Variants in NAALADL2 observed in about 807,000 individuals in gnomAD.
NAALADL2 encodes N-acetylated alpha-linked acidic dipeptidase like 2.
NAALADL2 carries 76 observed loss-of-function variants against 87.2 expected under a neutral mutation model. The observed-to-expected ratio is 0.87, with a 90% confidence interval of 0.72 to 1.05. NAALADL2 has a LOEUF of 1.05. Ranked by LOEUF, NAALADL2 falls within the 50% of genes least tolerant of loss-of-function variation. NAALADL2 has a pLI of 0.00. For missense variants in NAALADL2, 1,089 were observed against 945.8 expected (o/e 1.15, Z -1.99); for synonymous variants, 354 against 331.0 (o/e 1.07, Z -0.75).
intron 1 of NAALADL2, among the ~76,000 whole-genome samples, chr3:174,907,231 G>T (rs1401640753): frequency 6.6e-6 from 1 of 151,852 alleles, no homozygotes; most frequent in African/African-American, 2.4e-5. Flanking sequence ...CTGGAGATCA[G>T]CCCTTTTGTT....
intron 1 of NAALADL2, among the ~76,000 whole-genome samples, chr3:174,983,791 CA>C (rs1271627303): frequency 3.9e-5 from 6 of 152,138 alleles, no homozygotes; most frequent in African/African-American, 1.4e-4. Context: ...TAGACCATAG[CA>C]ATTGACTTGC....
intron 2 of NAALADL2, among the ~76,000 whole-genome samples, chr3:175,148,727 AC>A (rs1166712769): frequency 6.6e-6 from 1 of 151,926 alleles, no homozygotes. Flanking sequence ...TATTTTATTG[AC>A]TCTGTCAAAG....
intron 2 of NAALADL2, among the ~76,000 whole-genome samples, chr3:175,117,816 G>A (rs773641464): frequency 2.6e-5 from 4 of 152,032 alleles, no homozygotes; most frequent in Non-Finnish European, 2.9e-5. Context: ...ATGTGCACAC[G>A]TATGTTTATG....
chr3:174,587,981 A>C (rs1351206374), intron 2 of NAALADL2, among the ~76,000 whole-genome samples: 2 of 152,090 alleles, frequency 1.3e-5, no homozygotes, highest in African/African-American at 2.4e-5. Context: ...AACTTGGTTC[A>C]ATTCCCCCTG....
intron 4 of NAALADL2, among the ~76,000 whole-genome samples, chr3:175,287,864 A>T (rs1373697096): frequency 1.3e-5 from 2 of 152,104 alleles, no homozygotes; most frequent in East Asian, 3.9e-4. Flanking sequence ...TTGCAAGTGA[A>T]TTTTTTCAAA....
chr3:175,137,116 C>G lies in NAALADL2; in HGVS notation c.545+39825C>G, dbSNP rs184684609. Among the ~76,000 whole-genome samples the G allele has an allele frequency of 3.0e-4, 46 of 152,190 alleles. No homozygotes were observed. In the East Asian group the frequency reaches 7.7e-3, roughly 26 times the overall value. ...TAAAATTTTGTAGTCTTAAGCTTGT[C>G]TCTTTCTTTTATACTAAAGAAAAAT... On this transcript the variant is annotated intron_variant, in intron 2 of 13. Coordinates refer to ENST00000454872, the MANE Select transcript of NAALADL2 (RefSeq NM_207015.3).
rs983446194 is a variant in NAALADL2 at position 175,045,980 on chromosome 3, A to G, written c.44-50810A>G. 4.0e-5 allele frequency among the ~76,000 whole-genome samples: 6 copies of G among 151,046 alleles called. 1 individual carries two copies. The South Asian group carries it at 1.3e-3, about 32-fold the overall frequency. ...CAGAGATAAGAGACACTCAACAAGAACCTCCTAACCGTTAATATGTCTAGA... is the reference window on the plus strand; with the variant it reads ...CAGAGATAAGAGACACTCAACAAGAGCCTCCTAACCGTTAATATGTCTAGA... On this transcript the variant is annotated intron_variant, in intron 1 of 13. Coordinates refer to ENST00000454872, the MANE Select transcript of NAALADL2 (RefSeq NM_207015.3).
At chr3:175,339,947 T>C (rs578195396) in intron 5 of NAALADL2, among the ~76,000 whole-genome samples, 14 of 152,306 alleles carry the variant, frequency 9.2e-5, no homozygotes, top group Non-Finnish European at 1.6e-4. Context: ...AAAAGAGATA[T>C]AACCTCAACA....
chr3:174,508,114 G>GTTTTTTTTTGTTT (rs1553775285), intron 1 of NAALADL2, among the ~76,000 whole-genome samples: 1 of 103,884 alleles, frequency 9.6e-6, no homozygotes. Flanking sequence ...ATATCTAGTG[G>GTTTTTTTTTGTTT]TTTTTTTTTT....
At chr3:175,320,079 T>C (rs1759653366) in intron 4 of NAALADL2, among the ~76,000 whole-genome samples, 1 of 152,210 alleles carries the variant, frequency 6.6e-6, no homozygotes, top group Non-Finnish European at 1.5e-5. Context: ...CTATATTGAA[T>C]ATGACCTTCA....
intron 5 of NAALADL2, among the ~76,000 whole-genome samples, chr3:175,337,250 G>A (rs9821322): frequency 6.6e-6 from 1 of 151,092 alleles, no homozygotes; most frequent in Non-Finnish European, 1.5e-5. Context: ...TTAGGTCTAG[G>A]TGGTATGGTG....
chr3:174,786,063 G>T (rs1312906372), intron 3 of NAALADL2, among the ~76,000 whole-genome samples: 1 of 152,078 alleles, frequency 6.6e-6, no homozygotes, highest in Admixed American at 6.6e-5. Context: ...GTACCAAAAG[G>T]CCAGGGCACA....
At position 175,698,405 on chromosome 3, in the gene NAALADL2, ATT is replaced by A. The variant is rs1433779295; in HGVS notation, c.1897-38899_1897-38898del. Among the ~76,000 whole-genome samples, 580 of 82,094 alleles carry A rather than the reference ATT, an allele frequency of 7.1e-3. 156 individuals carry two copies. Among genetic ancestry groups the A allele is most frequent in the African/African-American group, 0.05 (465 of 9,316 alleles). 53.9% of individuals were successfully genotyped at this position (82,094 alleles called of 152,430 possible). On this transcript the variant is annotated intron_variant, in intron 11 of 13. Transcript: ENST00000454872. ...TATGTATGTATACATATGTATGTGT[ATT>A]TATGTATGTATACATATGTATGTGT...
chr3:175,046,535 C>T (rs1754692257), intron 1 of NAALADL2, among the ~76,000 whole-genome samples: 1 of 152,128 alleles, frequency 6.6e-6, no homozygotes, highest in Admixed American at 6.6e-5. Flanking sequence ...CATGAGAGAA[C>T]TGGCTTTGGA....
At chr3:175,798,408 T>G (rs1242332993) in intron 13 of NAALADL2, among the ~76,000 whole-genome samples, 1 of 152,060 alleles carries the variant, frequency 6.6e-6, no homozygotes, top group Non-Finnish European at 1.5e-5. Flanking sequence ...GTATGAGTGT[T>G]TATCTTCCAT....
At chr3:175,160,360 C>CTTTTTTTTTTCTT (rs1732977768) in intron 2 of NAALADL2, among the ~76,000 whole-genome samples, 2 of 57,036 alleles carry the variant, frequency 3.5e-5, no homozygotes, top group African/African-American at 1.1e-4. Flanking sequence ...TCTTTTCTTT[C>CTTTTTTTTTTCTT]TTTTTTTTTT....
chr3:174,599,310 A>G (rs1578267103), intron 2 of NAALADL2, among the ~76,000 whole-genome samples: 1 of 152,144 alleles, frequency 6.6e-6, no homozygotes, highest in Non-Finnish European at 1.5e-5. Flanking sequence ...ATCTCAACAC[A>G]TTTTTAAAAT....
chr3:175,236,756 T>C (rs1436218568), intron 3 of NAALADL2, among the ~76,000 whole-genome samples: 1 of 152,204 alleles, frequency 6.6e-6, no homozygotes, highest in Admixed American at 6.5e-5. Context: ...TTTCCTGTGA[T>C]ATTTGTGCAG....
At chr3:174,854,835 CTTTTTTTTTTTT>C (rs68116968), upstream of NAALADL2, among the ~76,000 whole-genome samples, 2 of 111,996 alleles carry the variant, frequency 1.8e-5, no homozygotes, top group African/African-American at 7.3e-5. Flanking sequence ...GCTTTTTTTT[CTTTTTTTTTTTT>C]TTTTTTTTGA....
Sources: allele counts gnomAD v4.1 joint callset (sites outside exome capture counted in the v4.1 genomes callset), GRCh38; gene constraint gnomAD v4.1.1; transcripts MANE v1.5; gene names NCBI Gene and HGNC (gene_info 2026-07-23, HGNC 2026-07-21).